The following SLC35G2 variants were observed in gnomAD, a reference collection of about 807,000 sequenced individuals.
SLC35G2 encodes transmembrane protein 22.
A neutral mutation model predicts 27.2 loss-of-function variants in SLC35G2; 20 were observed. The observed-to-expected ratio is 0.74, with a 90% confidence interval of 0.52 to 1.07. SLC35G2 has a LOEUF of 1.07. Ranked by LOEUF, SLC35G2 falls within the 50% of genes least tolerant of loss-of-function variation. SLC35G2 has a pLI of 0.00. For missense variants in SLC35G2, 416 were observed against 493.3 expected (o/e 0.84, Z 1.48); for synonymous variants, 148 against 165.3 (o/e 0.90, Z 0.80).
At chr3:136,838,034 G>A (rs1936925343) in intron 1 of SLC35G2, 1 of 151,726 alleles carries the variant, frequency 6.6e-6, no homozygotes, top group Admixed American at 6.6e-5. Context: ...TGTAGAGATG[G>A]GTTTTTGCCA....
chr3:136,835,220 T>A (rs1936832305), intron 1 of SLC35G2, among the ~76,000 whole-genome samples: 1 of 152,234 alleles, frequency 6.6e-6, no homozygotes, highest in African/African-American at 2.4e-5. Flanking sequence ...ATTTAGTTGT[T>A]ATGTCTCTTT....
chr3:136,851,479 A>G (rs1447091803), intron 1 of SLC35G2, among the ~76,000 whole-genome samples: 1 of 114,656 alleles, frequency 8.7e-6, no homozygotes, highest in Non-Finnish European at 1.7e-5. Flanking sequence ...GCCTGGGCGA[A>G]GAGTGAGACT....
chr3:136,827,475 A>T (rs1936615611), intron 1 of SLC35G2, among the ~76,000 whole-genome samples: 1 of 152,050 alleles, frequency 6.6e-6, no homozygotes, highest in African/African-American at 2.4e-5. Context: ...CAGCCTCTCA[A>T]ATTGCTGGCC....
At chr3:136,820,142 C>T (rs768352752) in intron 1 of SLC35G2, 7 of 152,252 alleles carry the variant, frequency 4.6e-5, no homozygotes, top group African/African-American at 7.2e-5. Flanking sequence ...GCGGAAAGCT[C>T]GGGTCCGAGT....
intron 1 of SLC35G2, among the ~76,000 whole-genome samples, chr3:136,830,370 C>A (rs1287468336): frequency 6.6e-6 from 1 of 152,094 alleles, no homozygotes; most frequent in Admixed American, 6.6e-5. Context: ...GCAAGCTCCG[C>A]CTCCCAGGTT....
Position 136,832,887 on chromosome 3 carries a change from G to T in SLC35G2, c.-19+13259G>T, listed in dbSNP as rs567170057. 5.5e-3 allele frequency among the ~76,000 whole-genome samples: 842 copies of T among 151,990 alleles called. 3 individuals are homozygous for T. Among genetic ancestry groups the T allele is most frequent in the Non-Finnish European group, 9.7e-3 (662 of 67,958 alleles). The stretch of plus-strand genomic sequence containing the variant: ...ATCGACACCATCCTGGCTAACATGG[G>T]GAAACCCCGTCTCTACTAAAAATAC... On this transcript the variant is annotated intron_variant, in intron 1 of 1. Coordinates refer to ENST00000446465, the MANE Select transcript of SLC35G2 (RefSeq NM_025246.3).
At chr3:136,828,955 A>G (rs1300664176) in intron 1 of SLC35G2, among the ~76,000 whole-genome samples, 1 of 152,148 alleles carries the variant, frequency 6.6e-6, no homozygotes, top group African/African-American at 2.4e-5. Flanking sequence ...ATAACCCACT[A>G]TTTTAAACTG....
In SLC35G2 at chr3:136,854,903, TGTTA is replaced by T. The variant is rs780796079; in HGVS notation, c.447_450del (p.Val150CysfsTer38). On this transcript the variant is annotated frameshift_variant, in exon 2 of 2. Transcript: ENST00000446465. LOFTEE classifies it high-confidence loss of function. ...CGTTCTGTTTTTCAGGTCTTATCTG[TGTTA>T]GTTGTGTGTTACTATCAGGAGGCCC... The T allele has an allele frequency of 2.5e-6, 4 of 1,614,084 alleles. No individual in the cohort carries two copies. The highest frequency in any genetic ancestry group is 3.4e-6 in the Non-Finnish European group (4 of 1,180,042).
At chr3:136,844,207 C>T (rs527436970) in intron 1 of SLC35G2, among the ~76,000 whole-genome samples, 2 of 151,714 alleles carry the variant, frequency 1.3e-5, no homozygotes, top group South Asian at 2.1e-4. Flanking sequence ...AAGAAAAAAA[C>T]AGCCAGGCGC....
At chr3:136,821,255 G>A (rs1359026129) in intron 1 of SLC35G2, among the ~76,000 whole-genome samples, 1 of 151,858 alleles carries the variant, frequency 6.6e-6, no homozygotes, top group Non-Finnish European at 1.5e-5. Flanking sequence ...TTGCGTTTTT[G>A]CTATATAATT....
At chr3:136,837,274 T>C (rs1443321139) in intron 1 of SLC35G2, 1 of 152,192 alleles carries the variant, frequency 6.6e-6, no homozygotes, top group Non-Finnish European at 1.5e-5. Context: ...CTCTGTAATG[T>C]GGTCTGTTTA....
At chr3:136,831,197 T>C (rs1200650340) in intron 1 of SLC35G2, among the ~76,000 whole-genome samples, 1 of 152,204 alleles carries the variant, frequency 6.6e-6, no homozygotes, top group Non-Finnish European at 1.5e-5. Context: ...GGACAACAGC[T>C]AGATACTCAC....
chr3:136,835,350 T>C (rs1351713800), intron 1 of SLC35G2, among the ~76,000 whole-genome samples: 1 of 142,116 alleles, frequency 7.0e-6, no homozygotes, highest in Non-Finnish European at 1.5e-5. Context: ...TAGGTTTGTC[T>C]GATGTTTCTT....
intron 1 of SLC35G2, among the ~76,000 whole-genome samples, chr3:136,834,844 T>C (rs1268325293): frequency 6.6e-6 from 1 of 152,244 alleles, no homozygotes; most frequent in Non-Finnish European, 1.5e-5. Context: ...TACATAAAAG[T>C]TGCAAATATA....
intron 1 of SLC35G2, among the ~76,000 whole-genome samples, chr3:136,847,567 G>C (rs2108027660): frequency 6.7e-6 from 1 of 150,328 alleles, no homozygotes; most frequent in South Asian, 2.1e-4. Flanking sequence ...TGGGCAACAA[G>C]AGTGAAACTC....
intron 1 of SLC35G2, among the ~76,000 whole-genome samples, chr3:136,827,159 TTTCAA>T (rs1936607281): frequency 1.3e-5 from 2 of 151,962 alleles, no homozygotes; most frequent in Non-Finnish European, 2.9e-5. Flanking sequence ...TGTATTTTCA[TTTCAA>T]TTTCATTTAT....
rs1256965522 is a variant in SLC35G2, at chr3:136,854,858, C to T, written c.398C>T (p.Ser133Phe). 6.2e-7 allele frequency: 1 copy of T among 1,614,234 alleles called. No individual in the cohort carries two copies. The change falls in exon 2 of 2, where the codon TCT becomes TTT. Residue 133 changes from serine to phenylalanine, a missense_variant. Ser to Phe is a radical substitution (Grantham distance 155). Transcript: ENST00000446465. ...RLVSDRSKVP[S>F]LELIFIRSVF... ...GTTTCTGATCGGTCTAAAGTTCCAT[C>T]TCTAGAACTGATTTTTATCCGTTCT...
intron 1 of SLC35G2, among the ~76,000 whole-genome samples, chr3:136,844,087 G>C (rs186052491): frequency 6.6e-6 from 1 of 152,138 alleles, no homozygotes; most frequent in Admixed American, 6.6e-5. Flanking sequence ...GGCCGGGCAC[G>C]GAGAGAATCA....
At chr3:136,852,840 A>G (rs1937736832) in intron 1 of SLC35G2, among the ~76,000 whole-genome samples, 1 of 152,036 alleles carries the variant, frequency 6.6e-6, no homozygotes, top group African/African-American at 2.4e-5. Context: ...GGAGGGAAAT[A>G]GGAAATTGTT....
Sources: allele counts gnomAD v4.1 joint callset (sites outside exome capture counted in the v4.1 genomes callset), GRCh38; gene constraint gnomAD v4.1.1; transcripts MANE v1.5; gene names NCBI Gene and HGNC (gene_info 2026-07-23, HGNC 2026-07-21).